SNX4: variants seen among roughly 807,000 people sequenced by gnomAD.
SNX4 encodes sorting nexin-4.
A neutral mutation model predicts 70.8 loss-of-function variants in SNX4; 49 were observed. The observed-to-expected ratio is 0.69, with a 90% CI of 0.55 to 0.88. The LOEUF (loss-of-function observed/expected upper bound fraction) is 0.88. SNX4 is among the 40% of genes least tolerant of loss of function. SNX4 has a pLI of 0.00. For synonymous variants in SNX4, 206 were observed against 183.8 expected (o/e 1.12, Z -0.98); for missense variants, 528 against 544.8 (o/e 0.97, Z 0.31).
Position 125,497,347 on chromosome 3 carries a change from C to G in SNX4, c.591G>C (p.Gln197His). ...WKETVNETGF[Q>H]LKADSRLKAL... ...TTCATATAAATATTCTTACCTTCAG[C>G]TGAAACCCAGTTTCATTCACAGTCT... is the stretch of plus-strand genomic sequence containing the variant. Residue 197 changes from glutamine (Q) to histidine (H), a missense_variant, in exon 5 of 14, where the codon CAG (glutamine) becomes CAC (histidine). By Grantham distance (24) the Gln-to-His change is conservative. Coordinates refer to ENST00000251775, the MANE Select transcript of SNX4 (RefSeq NM_003794.4). The G allele has an allele frequency of 3.1e-6, 5 of 1,607,182 alleles. No individual in the cohort carries two copies. Among genetic ancestry groups the G allele is most frequent in the Non-Finnish European group, 3.4e-6 (4 of 1,174,662 alleles).
In SNX4 at chr3:125,498,464, C is replaced by A. The variant is rs1458097837; in HGVS notation, c.264-270G>T. ...CCTCCTGAGTAGCTGGGACCACAGG[C>A]ACATGTCACCACATTGGCTAATACT... is the stretch of plus-strand genomic sequence containing the variant. On this transcript the variant is annotated intron_variant, in intron 2 of 13. Coordinates refer to ENST00000251775, the MANE Select transcript of SNX4 (RefSeq NM_003794.4). Among the ~76,000 whole-genome samples, 13 of 152,268 alleles carry A rather than the reference C, an allele frequency of 8.5e-5. No individual in the cohort carries two copies. The East Asian group carries it at 2.5e-3, about 29-fold the overall frequency.
At chr3:125,504,964 T>C (rs1935017208) in intron 1 of SNX4, among the ~76,000 whole-genome samples, 1 of 152,106 alleles carries the variant, frequency 6.6e-6, no homozygotes, top group South Asian at 2.1e-4. Flanking sequence ...TTTAGTTATG[T>C]ATGTATTTAT....
intron 8 of SNX4, among the ~76,000 whole-genome samples, chr3:125,469,808 A>AT (rs1271039565): frequency 6.6e-6 from 1 of 151,434 alleles, no homozygotes; most frequent in Non-Finnish European, 1.5e-5. Flanking sequence ...GATTTAAATC[A>AT]TTTGTAAAGC....
intron 13 of SNX4, 57 bp downstream of exon 13, chr3:125,451,248 C>G: frequency 2.8e-6 from 3 of 1,065,636 alleles, no homozygotes; most frequent in Non-Finnish European, 4.0e-6. Context: ...AATTTAAATA[C>G]ATGTATAAGC....
At chr3:125,501,533 T>C (rs930069306) in intron 2 of SNX4, among the ~76,000 whole-genome samples, 3 of 151,376 alleles carry the variant, frequency 2.0e-5, no homozygotes, top group Admixed American at 2.0e-4. Context: ...GGTGGGAGAA[T>C]CACTTGAACC....
At chr3:125,492,032 C>T (rs1008958283) in intron 5 of SNX4, among the ~76,000 whole-genome samples, 20 of 145,470 alleles carry the variant, frequency 1.4e-4, no homozygotes, top group Non-Finnish European at 1.9e-4. Flanking sequence ...CGCTTGAACC[C>T]GTGAGGCAGA....
chr3:125,491,708 A>T (rs760927246), intron 5 of SNX4, among the ~76,000 whole-genome samples: 4 of 152,160 alleles, frequency 2.6e-5, no homozygotes, highest in Non-Finnish European at 5.9e-5. Flanking sequence ...ACACCTAAAG[A>T]TGCCCCTTAA....
chr3:125,490,939 C>G (rs1934645954), intron 5 of SNX4, among the ~76,000 whole-genome samples: 1 of 152,044 alleles, frequency 6.6e-6, no homozygotes, highest in African/African-American at 2.4e-5. Flanking sequence ...AACTTCCGAA[C>G]CATAATTACA....
At chr3:125,509,895 T>C (rs572666932) in intron 1 of SNX4, among the ~76,000 whole-genome samples, 1 of 151,290 alleles carries the variant, frequency 6.6e-6, no homozygotes, top group East Asian at 2.0e-4. Flanking sequence ...AAATCAAAAC[T>C]ACAATGAAAT....
intron 9 of SNX4, among the ~76,000 whole-genome samples, chr3:125,462,353 G>T (rs1487702391): frequency 6.6e-6 from 1 of 152,092 alleles, no homozygotes; most frequent in African/African-American, 2.4e-5. Context: ...TGGAAAAGCT[G>T]TAACTGGAGA....
At position 125,472,429 on chromosome 3, in the gene SNX4, G is replaced by C. The variant is rs78780950; in HGVS notation, c.789-2910C>G. 5.7e-3 allele frequency among the ~76,000 whole-genome samples: 861 copies of C among 152,154 alleles called. 8 individuals carry two copies. The highest frequency in any genetic ancestry group is 0.027 in the Middle Eastern group (8 of 294). The stretch of plus-strand genomic sequence containing the variant: ...TGCCTTCATCAGTGCTTCTCAAGCT[G>C]GGATGTTTTCATCATGGATATTGGA... On this transcript the variant is annotated intron_variant, in intron 8 of 13. Transcript: ENST00000251775.
At chr3:125,453,572 C>T (rs574671506) in intron 12 of SNX4, among the ~76,000 whole-genome samples, 71 of 151,900 alleles carry the variant, frequency 4.7e-4, no homozygotes, top group African/African-American at 1.6e-3. Context: ...TGGTCTCAAA[C>T]TCCCAGGCTC....
chr3:125,482,679 ACT>A (rs1934439983), intron 6 of SNX4, among the ~76,000 whole-genome samples: 1 of 151,990 alleles, frequency 6.6e-6, no homozygotes. Flanking sequence ...CAAAGTTCAA[ACT>A]CTGTAATGTG....
rs2107530328 is a variant in SNX4, at chr3:125,460,923, G to A, written c.855-63C>T. 9.3e-6 allele frequency: 8 copies of A among 863,486 alleles called. No individual in the cohort carries two copies. The South Asian group carries it at 1.1e-4, about 12-fold the overall frequency. 53.5% of individuals were successfully genotyped at this position (863,486 alleles called of 1,614,324 possible). ...CTTTCATTGGAATACAAAGTATTAGGGTTCTAGAGAAGTGCAATTAGGCTG... is the reference window on the plus strand; with the variant it reads ...CTTTCATTGGAATACAAAGTATTAGAGTTCTAGAGAAGTGCAATTAGGCTG... On this transcript the variant is annotated intron_variant, in intron 9 of 13. Transcript: ENST00000251775.
intron 2 of SNX4, 145 bp from the exon 3 acceptor site, chr3:125,498,339 C>G: frequency 1.2e-6 from 1 of 806,270 alleles, no homozygotes; most frequent in South Asian, 1.9e-5. Context: ...TCTTTTTTTT[C>G]AAGACAGGGT....
chr3:125,448,745 G>A (rs1241811333), intron 13 of SNX4, among the ~76,000 whole-genome samples: 10 of 139,402 alleles, frequency 7.2e-5, no homozygotes, highest in Admixed American at 6.3e-4. Flanking sequence ...GCGCGATCTC[G>A]GCTCACTGCA....
chr3:125,487,611 A>G (rs1342345228), intron 6 of SNX4, among the ~76,000 whole-genome samples: 2 of 152,182 alleles, frequency 1.3e-5, no homozygotes, highest in African/African-American at 2.4e-5. Context: ...AGGGTGACTT[A>G]TAATTTTAGT....
At chr3:125,454,297 C>T (rs1933654626) in intron 11 of SNX4, among the ~76,000 whole-genome samples, 1 of 152,200 alleles carries the variant, frequency 6.6e-6, no homozygotes, top group Admixed American at 6.5e-5. Context: ...ACCACCTGAG[C>T]TCTGCCTCCT....
At chr3:125,484,380 G>A (rs182804593) in intron 6 of SNX4, among the ~76,000 whole-genome samples, 16 of 152,150 alleles carry the variant, frequency 1.1e-4, no homozygotes, top group Admixed American at 2.0e-4. Context: ...TCAGCCTCCC[G>A]AGTATCTGGG....
Sources: allele counts gnomAD v4.1 joint callset (sites outside exome capture counted in the v4.1 genomes callset), GRCh38; gene constraint gnomAD v4.1.1; transcripts MANE v1.5; gene names NCBI Gene and HGNC (gene_info 2026-07-23, HGNC 2026-07-21).